Variants in CCDC73 observed in about 807,000 individuals in gnomAD.
The protein encoded by CCDC73 is coiled-coil domain containing 73, also known as coiled-coil domain-containing protein 73.
In CCDC73, 95 loss-of-function variants were observed where a neutral mutation model predicts 116.5. The ratio of observed to expected loss-of-function variants is 0.82; its 90% confidence interval spans 0.69 to 0.97. CCDC73 has a LOEUF of 0.97. CCDC73 is among the 50% of genes least tolerant of loss of function. CCDC73 has a pLI of 0.00. For synonymous variants in CCDC73, 398 were observed against 401.3 expected (o/e 0.99, Z 0.10); for missense variants, 1,066 against 1,206.8 (o/e 0.88, Z 1.73).
the CCDC73 span, among the ~76,000 whole-genome samples, chr11:32,826,577 A>AT: frequency 7.1e-6 from 1 of 141,536 alleles, no homozygotes; most frequent in African/African-American, 2.6e-5. Flanking sequence ...CATTGCTCCA[A>AT]TTTTTTTTCT....
At chr11:32,690,548 G>A (rs1856246964) in intron 6 of CCDC73, among the ~76,000 whole-genome samples, 1 of 152,146 alleles carries the variant, frequency 6.6e-6, no homozygotes, top group Admixed American at 6.5e-5. Flanking sequence ...AGTTTCTAAT[G>A]GTTAGCACCG....
At chr11:32,659,409 TA>T (rs1855901961) in intron 9 of CCDC73, among the ~76,000 whole-genome samples, 1 of 152,192 alleles carries the variant, frequency 6.6e-6, no homozygotes, top group South Asian at 2.1e-4. Flanking sequence ...AATGGCTGAC[TA>T]AAGTCTGAGC....
chr11:32,644,001 A>G (rs1649908902), intron 12 of CCDC73, among the ~76,000 whole-genome samples: 2 of 151,876 alleles, frequency 1.3e-5, no homozygotes, highest in South Asian at 4.2e-4. Flanking sequence ...AAATTTTTAT[A>G]TTTTTCCTTT....
At chr11:32,783,378 C>T (rs185933649) in intron 1 of CCDC73, among the ~76,000 whole-genome samples, 26 of 152,220 alleles carry the variant, frequency 1.7e-4, no homozygotes, top group South Asian at 2.1e-4. Context: ...TCAGGAAGCT[C>T]CTTAAGGATT....
chr11:32,728,704 GTTTTGTT>G (rs139336393), intron 2 of CCDC73, among the ~76,000 whole-genome samples: 15,330 of 151,978 alleles, frequency 0.1, 1,020 homozygotes, highest in Non-Finnish European at 0.15. Flanking sequence ...TGTTTTGTTT[GTTTTGTT>G]TTGTTTTGTT....
At chr11:32,816,417 G>T in the CCDC73 span, among the ~76,000 whole-genome samples, 1 of 152,026 alleles carries the variant, frequency 6.6e-6, no homozygotes, top group Non-Finnish European at 1.5e-5. Context: ...CCAGTGTTTT[G>T]TGAAACTCAT....
intron 2 of CCDC73, among the ~76,000 whole-genome samples, chr11:32,731,147 G>T (rs764837118): frequency 6.6e-6 from 1 of 152,202 alleles, no homozygotes; most frequent in South Asian, 2.1e-4. Flanking sequence ...GGCTCGGAGG[G>T]TCCCACACCC....
intron 6 of CCDC73, among the ~76,000 whole-genome samples, chr11:32,690,448 C>T (rs1004210712): frequency 6.6e-5 from 10 of 152,180 alleles, no homozygotes; most frequent in Non-Finnish European, 4.4e-5. Flanking sequence ...TATGGTTTGG[C>T]TCTGTGTCCC....
chr11:32,728,899 T>C (rs950448073), intron 2 of CCDC73, among the ~76,000 whole-genome samples: 6 of 152,142 alleles, frequency 3.9e-5, no homozygotes, highest in Admixed American at 3.9e-4. Flanking sequence ...GAGATGGGGT[T>C]TCACCATGCT....
At chr11:32,782,819 G>A (rs1313374484) in intron 1 of CCDC73, among the ~76,000 whole-genome samples, 2 of 151,986 alleles carry the variant, frequency 1.3e-5, no homozygotes, top group African/African-American at 4.8e-5. Flanking sequence ...TAAAAATTAA[G>A]ATAGTGGAAA....
intron 14 of CCDC73, among the ~76,000 whole-genome samples, chr11:32,626,959 T>A (rs1409392981): frequency 6.6e-6 from 1 of 151,922 alleles, no homozygotes; most frequent in Non-Finnish European, 1.5e-5. Flanking sequence ...GCAACAAAAG[T>A]CAAAATTGAT....
At chr11:32,746,115 G>A (rs1171566560) in intron 2 of CCDC73, among the ~76,000 whole-genome samples, 2 of 152,134 alleles carry the variant, frequency 1.3e-5, no homozygotes, top group African/African-American at 4.8e-5. Flanking sequence ...TTGTAAGGCA[G>A]GCCTGGTGGT....
chr11:32,805,081 G>A, the CCDC73 span, among the ~76,000 whole-genome samples: 1 of 152,142 alleles, frequency 6.6e-6, no homozygotes, highest in Non-Finnish European at 1.5e-5. Context: ...ACACTAATTC[G>A]AACATACAGA....
intron 6 of CCDC73, among the ~76,000 whole-genome samples, chr11:32,694,140 T>A (rs1856287776): frequency 6.6e-6 from 1 of 152,174 alleles, no homozygotes; most frequent in Non-Finnish European, 1.5e-5. Context: ...TGTTTCCAGA[T>A]GACATGATTG....
intron 1 of CCDC73, among the ~76,000 whole-genome samples, chr11:32,785,067 G>A (rs1850615995): frequency 6.6e-6 from 1 of 152,126 alleles, no homozygotes; most frequent in Non-Finnish European, 1.5e-5. Flanking sequence ...TTGGGAGGCT[G>A]AGGCAGGAGA....
At chr11:32,745,919 A>T (rs1053876868) in intron 2 of CCDC73, among the ~76,000 whole-genome samples, 7 of 151,958 alleles carry the variant, frequency 4.6e-5, no homozygotes, top group Non-Finnish European at 8.8e-5. Flanking sequence ...CATTTAGCCC[A>T]TTTACATTTA....
At chr11:32,698,060 T>A (rs1487953197) in intron 6 of CCDC73, among the ~76,000 whole-genome samples, 1 of 142,188 alleles carries the variant, frequency 7.0e-6, no homozygotes, top group African/African-American at 2.7e-5. Flanking sequence ...AGTCTCACTC[T>A]GTCGCCCAGG....
chr11:32,614,342 T>C lies in CCDC73; in HGVS notation c.1976A>G (p.Gln659Arg). 2 of 1,611,442 alleles carry C rather than the reference T, an allele frequency of 1.2e-6. No homozygotes were observed. Among genetic ancestry groups the C allele is most frequent in the South Asian group, 2.2e-5 (2 of 90,998 alleles). The stretch of plus-strand genomic sequence containing the variant: ...CAGTTGTATTTGTTTTATTTTACAT[T>C]GTTTATCATCTAACATAACATTACT... The part of the protein sequence containing the change: ...NSSNVMLDDK[Q>R]CKIKQIQLLT... The change falls in exon 16 of 18, where the codon CAA (glutamine) becomes CGA (arginine). Residue 659 changes from glutamine to arginine, a missense_variant. Transcript: ENST00000335185.
At chr11:32,625,551 C>T (rs1251416551) in intron 14 of CCDC73, among the ~76,000 whole-genome samples, 1 of 152,014 alleles carries the variant, frequency 6.6e-6, no homozygotes, top group African/African-American at 2.4e-5. Context: ...CTTAGTTTGG[C>T]TGGATATGAA....
Sources: allele counts gnomAD v4.1 joint callset (sites outside exome capture counted in the v4.1 genomes callset), GRCh38; gene constraint gnomAD v4.1.1; transcripts MANE v1.5; gene names NCBI Gene and HGNC (gene_info 2026-07-23, HGNC 2026-07-21).